FOXN3: variants seen among roughly 807,000 people sequenced by gnomAD.
FOXN3 encodes forkhead box protein N3.
Under a neutral mutation model 38.4 loss-of-function variants are expected in FOXN3, and 7 were observed. The ratio of observed to expected loss-of-function variants is 0.18; its 90% CI spans 0.10 to 0.34. The LOEUF (loss-of-function observed/expected upper bound fraction) is 0.34, where lower values mean the gene tolerates loss of function less well. Ranked by LOEUF, FOXN3 falls within the 10% of genes least tolerant of loss-of-function variation. FOXN3 has a pLI of 1.00. For missense variants in FOXN3, 456 were observed against 613.4 expected (o/e 0.74, Z 2.71); for synonymous variants, 230 against 242.2 (o/e 0.95, Z 0.47).
At chr14:89,331,992 G>A (rs1888260771) in intron 3 of FOXN3, among the ~76,000 whole-genome samples, 1 of 151,930 alleles carries the variant, frequency 6.6e-6, no homozygotes, top group African/African-American at 2.4e-5. Flanking sequence ...TCTTAATTTT[G>A]GCTTACTACA....
At chr14:89,616,296 T>G (rs1896492001) in intron 1 of FOXN3, among the ~76,000 whole-genome samples, 1 of 152,174 alleles carries the variant, frequency 6.6e-6, no homozygotes, top group Non-Finnish European at 1.5e-5. Flanking sequence ...ATATTTGCAA[T>G]TTTGATACTG....
chr14:89,340,039 A>G (rs1447626085), intron 3 of FOXN3, among the ~76,000 whole-genome samples: 1 of 152,204 alleles, frequency 6.6e-6, no homozygotes, highest in East Asian at 1.9e-4. Flanking sequence ...ACAAACAAAC[A>G]AAAAGCTTTC....
intron 1 of FOXN3, among the ~76,000 whole-genome samples, chr14:89,439,374 T>G (rs1382784551): frequency 6.6e-6 from 1 of 152,140 alleles, no homozygotes; most frequent in East Asian, 1.9e-4. Flanking sequence ...TCATAAAAAC[T>G]CTGCTGATAA....
At position 89,181,149 on chromosome 14, in the gene FOXN3, G is replaced by C. The variant is rs78991912; in HGVS notation, c.746-343C>G. Among the ~76,000 whole-genome samples the C allele has an allele frequency of 7.5e-3, 1,132 of 151,936 alleles. 12 individuals are homozygous for C. The highest frequency in any genetic ancestry group is 0.026 in the African/African-American group (1,081 of 41,452). On this transcript the variant is annotated intron_variant, in intron 4 of 5. Transcript: ENST00000557258. ...AGTAAGACAGACAGAAAGATAATCT[G>C]GTAAGTAAAAATCAGACTAGTAGCT...
chr14:89,583,204 T>C (rs1596324563), intron 1 of FOXN3, among the ~76,000 whole-genome samples: 2 of 152,336 alleles, frequency 1.3e-5, no homozygotes, highest in East Asian at 3.9e-4. Flanking sequence ...TTAACTGTTT[T>C]CAAAGTGATT....
intron 1 of FOXN3, among the ~76,000 whole-genome samples, chr14:89,442,341 T>C (rs1286856947): frequency 3.3e-5 from 5 of 152,208 alleles, no homozygotes; most frequent in Non-Finnish European, 7.3e-5. Flanking sequence ...TGTAAATTAA[T>C]GCACAGGCTT....
rs193163302 is a variant in FOXN3, at chr14:89,612,529, C to A, written c.-15+6499G>T. ...CTCTTAAACTGGCTGGGTGTGGTGG[C>A]TCACACCTGTAATCCCAGCACTTTG... On this transcript the variant is annotated intron_variant, in intron 1 of 6. Transcript: ENST00000345097. Among the ~76,000 whole-genome samples the A allele has an allele frequency of 3.6e-3, 547 of 152,284 alleles. 4 individuals are homozygous for A. The highest frequency in any genetic ancestry group is 0.013 in the African/African-American group (523 of 41,554).
intron 1 of FOXN3, among the ~76,000 whole-genome samples, chr14:89,497,343 C>T (rs974312637): frequency 2.0e-5 from 3 of 151,266 alleles, no homozygotes; most frequent in Non-Finnish European, 2.9e-5. Flanking sequence ...CAGACACTTG[C>T]GTTGCTTCCA....
At chr14:89,195,838 A>C (rs905390265) in intron 4 of FOXN3, among the ~76,000 whole-genome samples, 1 of 151,972 alleles carries the variant, frequency 6.6e-6, no homozygotes, top group African/African-American at 2.4e-5. Flanking sequence ...TCCTCCCATC[A>C]GTACCTAATT....
intron 4 of FOXN3, among the ~76,000 whole-genome samples, chr14:89,225,097 C>T (rs889649527): frequency 6.9e-6 from 1 of 145,810 alleles, no homozygotes; most frequent in African/African-American, 2.6e-5. Context: ...CCACTGCACT[C>T]CAGCCTGGCG....
rs571091123 is a variant in FOXN3 at position 89,462,822 on chromosome 14, C to T, written c.-14-50332G>A. 3.3e-5 allele frequency among the ~76,000 whole-genome samples: 5 copies of T among 151,696 alleles called. No homozygotes were observed. The East Asian group carries it at 6.0e-4, about 18-fold the overall frequency. On this transcript the variant is annotated intron_variant, in intron 1 of 6. Coordinates refer to the FOXN3 transcript ENST00000345097. ...ACTTCAGCCTCCTGAGTAGCTGGGA[C>T]TACAGGCGCCCGCCACCACGCCCAG...
At chr14:89,228,996 T>C (rs993303239) in intron 4 of FOXN3, among the ~76,000 whole-genome samples, 1 of 152,182 alleles carries the variant, frequency 6.6e-6, no homozygotes, top group African/African-American at 2.4e-5. Flanking sequence ...ACGGGCTGTT[T>C]TGAGGACCAG....
chr14:89,605,336 C>G (rs12586913), intron 1 of FOXN3, among the ~76,000 whole-genome samples: 44 of 151,948 alleles, frequency 2.9e-4, no homozygotes, highest in Non-Finnish European at 5.7e-4. Context: ...GTTAAAATTT[C>G]TAAAGAACCA....
intron 3 of FOXN3, among the ~76,000 whole-genome samples, chr14:89,336,885 T>C (rs566761974): frequency 6.6e-6 from 1 of 152,320 alleles, no homozygotes; most frequent in African/African-American, 2.4e-5. Context: ...GGTTTTCCTA[T>C]AACTTTAACT....
intron 2 of FOXN3, among the ~76,000 whole-genome samples, chr14:89,398,981 T>A (rs1406760964): frequency 2.0e-5 from 3 of 152,232 alleles, no homozygotes; most frequent in Non-Finnish European, 2.9e-5. Flanking sequence ...TAAAACTTCA[T>A]CTCAAATCAG....
At chr14:89,229,436 G>C (rs1297420880) in intron 4 of FOXN3, among the ~76,000 whole-genome samples, 1 of 152,138 alleles carries the variant, frequency 6.6e-6, no homozygotes, top group Admixed American at 6.5e-5. Flanking sequence ...CTTCTATCTT[G>C]GTGGCTGTGG....
chr14:89,312,243 C>T (rs1373813716), intron 3 of FOXN3, among the ~76,000 whole-genome samples: 2 of 132,750 alleles, frequency 1.5e-5, no homozygotes, highest in African/African-American at 5.8e-5. Context: ...CGAGATTGCA[C>T]TACTGTACTC....
chr14:89,571,324 C>A (rs1236680128), intron 1 of FOXN3, among the ~76,000 whole-genome samples: 2 of 152,056 alleles, frequency 1.3e-5, no homozygotes, highest in Admixed American at 1.3e-4. Flanking sequence ...GCCTGGCCAA[C>A]ATGGTGAAAT....
chr14:89,377,764 C>T (rs946865947), intron 2 of FOXN3, among the ~76,000 whole-genome samples: 11 of 152,230 alleles, frequency 7.2e-5, no homozygotes, highest in African/African-American at 2.7e-4. Context: ...TATGTTGAAA[C>T]CAATTCACGT....
Sources: gnomAD v4.1 joint callset for allele counts (sites outside exome capture counted in the v4.1 genomes callset) on GRCh38, gnomAD v4.1.1 for gene constraint, MANE v1.5 for transcripts, NCBI Gene and HGNC (gene_info 2026-07-23, HGNC 2026-07-21) for gene names.